SEMA3C: variants seen among roughly 807,000 people sequenced by gnomAD.
SEMA3C encodes semaphorin-3C.
Under a neutral mutation model 89.4 loss-of-function variants are expected in SEMA3C, and 47 were observed. That is an observed-to-expected ratio of 0.53 (90% confidence interval 0.42 to 0.67). The LOEUF is 0.67. Among genes scored for constraint, SEMA3C ranks in the 30% least tolerant of loss-of-function variants. The pLI, the probability that SEMA3C is intolerant of heterozygous loss-of-function variation, is 0.00. For synonymous variants in SEMA3C, 310 were observed against 320.2 expected (o/e 0.97, Z 0.34); for missense variants, 839 against 929.1 (o/e 0.90, Z 1.26).
At chr7:80,828,877 T>C (rs1789944062) in intron 2 of SEMA3C, 132 bp from the exon 3 acceptor site, 1 of 713,056 alleles carries the variant, frequency 1.4e-6, no homozygotes, top group African/African-American at 1.8e-5. Flanking sequence ...GAAATTAATT[T>C]TAAAATAGAG....
upstream of SEMA3C, among the ~76,000 whole-genome samples, chr7:80,922,061 A>G (rs1348361800): frequency 6.6e-6 from 1 of 152,234 alleles, no homozygotes; most frequent in African/African-American, 2.4e-5. Flanking sequence ...TGATATTTGT[A>G]ATAGAAAATA....
At chr7:80,769,777 C>T (rs1411722605) in intron 12 of SEMA3C, among the ~76,000 whole-genome samples, 2 of 144,900 alleles carry the variant, frequency 1.4e-5, no homozygotes, top group Non-Finnish European at 3.0e-5. Flanking sequence ...GAGAATCGCT[C>T]GAACCTGGGA....
In SEMA3C at chr7:80,799,927, G is replaced by A. The variant is rs144698416; in HGVS notation, c.986+830C>T. On this transcript the variant is annotated intron_variant, in intron 10 of 17. Coordinates refer to ENST00000265361, the MANE Select transcript of SEMA3C (RefSeq NM_006379.5). ...AACACTTTGGGAGGCTGAGGCTGGC[G>A]GATCACGAGGTCAGGAGATCAAGAC... Among the ~76,000 whole-genome samples the A allele has an allele frequency of 5.2e-3, 784 of 151,084 alleles. 40 individuals are homozygous for A. In the East Asian group the frequency reaches 0.11, roughly 21 times the overall value.
intron 4 of SEMA3C, among the ~76,000 whole-genome samples, chr7:80,824,578 T>A (rs1442646860): frequency 6.6e-6 from 1 of 152,190 alleles, no homozygotes. Context: ...TCTAATATGA[T>A]TACTACAAAA....
chr7:80,828,462 T>C (rs1789931060), intron 3 of SEMA3C, 123 bp downstream of exon 3: 1 of 742,752 alleles, frequency 1.3e-6, no homozygotes, highest in Non-Finnish European at 2.1e-6. Flanking sequence ...ACTTTCATAG[T>C]AACATGGGAC....
chr7:80,910,474 A>T (rs1202459249), intron 2 of SEMA3C, among the ~76,000 whole-genome samples: 1 of 152,170 alleles, frequency 6.6e-6, no homozygotes, highest in Non-Finnish European at 1.5e-5. Flanking sequence ...TCTACCTTCC[A>T]TGTGCCCTTC....
rs115196351 is a variant in SEMA3C at position 80,809,850 on chromosome 7, C to T, written c.538+761G>A. The stretch of plus-strand genomic sequence containing the variant: ...GGACATTACACTAAGGGAAATAAGC[C>T]AGGCACAGAAAGACAAATAAGGTGT... On this transcript the variant is annotated intron_variant, in intron 6 of 17. Coordinates refer to ENST00000265361, the MANE Select transcript of SEMA3C (RefSeq NM_006379.5). Among the ~76,000 whole-genome samples, 404 of 152,006 alleles carry T rather than the reference C, an allele frequency of 2.7e-3. 2 individuals carry two copies. Among genetic ancestry groups the T allele is most frequent in the African/African-American group, 8.7e-3 (361 of 41,432 alleles).
chr7:80,901,989 G>A lies in SEMA3C; in HGVS notation c.103+14690C>T, dbSNP rs191919227. Among the ~76,000 whole-genome samples the A allele has an allele frequency of 7.2e-4, 109 of 152,282 alleles. 1 individual carries two copies. Among genetic ancestry groups the A allele is most frequent in the African/African-American group, 2.4e-3 (98 of 41,546 alleles). The stretch of plus-strand genomic sequence containing the variant: ...TTGTTGCTTTTGAGACTGTCTCGCT[G>A]TCACCCAGGCTGGAGTGCAGTGGCG... On this transcript the variant is annotated intron_variant, in intron 2 of 17. Transcript: ENST00000265361.
intron 4 of SEMA3C, among the ~76,000 whole-genome samples, chr7:80,821,429 G>C (rs539491288): frequency 5.3e-5 from 8 of 151,544 alleles, no homozygotes; most frequent in South Asian, 4.2e-4. Context: ...TTTTTTTTTG[G>C]GGGGGTGGGC....
intron 2 of SEMA3C, among the ~76,000 whole-genome samples, chr7:80,842,682 G>A (rs2115887240): frequency 6.6e-6 from 1 of 152,136 alleles, no homozygotes; most frequent in Non-Finnish European, 1.5e-5. Context: ...ATCTCAAAAA[G>A]CAACACATTT....
intron 11 of SEMA3C, chr7:80,793,451 AC>A: frequency 2.2e-6 from 1 of 450,662 alleles, no homozygotes; most frequent in Non-Finnish European, 4.4e-6. Flanking sequence ...CCAGTAGGGG[AC>A]ACAAGAATAA....
chr7:80,873,845 G>A, intron 2 of SEMA3C, among the ~76,000 whole-genome samples: 1 of 152,140 alleles, frequency 6.6e-6, no homozygotes, highest in East Asian at 1.9e-4. Context: ...GTGCACAGGG[G>A]CAAGGGTAGA....
In SEMA3C at chr7:80,800,787, G is replaced by A; in HGVS notation, c.956C>T (p.Thr319Ile). 1 of 1,526,536 alleles carries A rather than the reference G, an allele frequency of 6.6e-7. No homozygotes were observed. 94.6% of individuals were successfully genotyped at this position (1,526,536 alleles called of 1,614,324 possible). A position where few individuals can be genotyped will look rare whatever the true frequency, so the allele number is the denominator to read the frequency against. Residue 319 changes from threonine (T) to isoleucine (I), a missense_variant, in exon 10 of 18, where the codon ACA becomes ATA. Transcript: ENST00000265361. ...FLLETDNPRT[T>I]LVYGIFTTSS... is the part of the protein sequence containing the mutation. Reference sequence around the variant, plus strand: ...TGTTGTAAAAATGCCATACACTAGTGTTGTCCTCGGGTTATCAGTTTCCAG... The same window carrying A: ...TGTTGTAAAAATGCCATACACTAGTATTGTCCTCGGGTTATCAGTTTCCAG...
At chr7:80,865,655 T>A (rs906386619) in intron 2 of SEMA3C, among the ~76,000 whole-genome samples, 1 of 151,352 alleles carries the variant, frequency 6.6e-6, no homozygotes, top group Non-Finnish European at 1.5e-5. Flanking sequence ...ATTAGCCGGG[T>A]GTGGTAGTGG....
In SEMA3C at chr7:80,748,961, G is replaced by A. The variant is rs1787862566; in HGVS notation, c.1779C>T (p.Ala593=). 6.2e-7 allele frequency: 1 copy of A among 1,613,198 alleles called. No homozygotes were observed. The highest frequency in any genetic ancestry group is 8.5e-7 in the Non-Finnish European group (1 of 1,179,590). Residue 593 remains alanine (A), a synonymous_variant, in exon 17 of 18, where the codon GCC becomes GCT. Transcript: ENST00000265361. ...VKNNTTFLEC[A]PKSPQASIKW... ...TGATAGATGCCTGCGGAGACTTGGG[G>A]GCACACTCCAGAAAAGTGGTGTTAT...
intron 12 of SEMA3C, among the ~76,000 whole-genome samples, chr7:80,786,632 T>C (rs1788809972): frequency 6.6e-6 from 1 of 152,238 alleles, no homozygotes; most frequent in Non-Finnish European, 1.5e-5. Flanking sequence ...GTCACTTACA[T>C]GAAGGCTGTA....
chr7:80,840,017 A>G (rs1790225124), intron 2 of SEMA3C, among the ~76,000 whole-genome samples: 2 of 152,042 alleles, frequency 1.3e-5, no homozygotes, highest in Admixed American at 1.3e-4. Context: ...AGAATAGGAG[A>G]TCCTATGTGC....
At chr7:80,869,167 A>T (rs542731332) in intron 2 of SEMA3C, among the ~76,000 whole-genome samples, 1 of 152,330 alleles carries the variant, frequency 6.6e-6, no homozygotes, top group South Asian at 2.1e-4. Context: ...TGAATGAACT[A>T]GAATACCTCC....
chr7:80,806,681 T>C (rs1789349238), intron 6 of SEMA3C, among the ~76,000 whole-genome samples: 1 of 152,154 alleles, frequency 6.6e-6, no homozygotes, highest in African/African-American at 2.4e-5. Context: ...GTAACAAACG[T>C]GACCCCTGAG....
Sources: gnomAD v4.1 joint callset for allele counts (sites outside exome capture counted in the v4.1 genomes callset) on GRCh38, gnomAD v4.1.1 for gene constraint, MANE v1.5 for transcripts, NCBI Gene and HGNC (gene_info 2026-07-23, HGNC 2026-07-21) for gene names.